The following COL26A1 variants were observed in gnomAD, a reference collection of about 807,000 sequenced individuals.
COL26A1 encodes the protein collagen type XXVI alpha 1 chain, also known as collagen alpha-1(XXVI) chain.
A neutral mutation model predicts 59.3 loss-of-function variants in COL26A1; 41 were observed. That is an observed-to-expected ratio of 0.69 (90% confidence interval 0.54 to 0.90). COL26A1 has a LOEUF of 0.90. COL26A1 is among the 40% of genes least tolerant of loss of function. COL26A1 has a pLI of 0.00. For missense variants in COL26A1, 612 were observed against 602.3 expected, an observed-to-expected ratio of 1.02 and a Z score of -0.17; for synonymous variants, 266 against 256.0, an observed-to-expected ratio of 1.04 and a Z score of -0.37.
chr7:101,528,164 G>A lies in COL26A1; in HGVS notation c.386-4918G>A, dbSNP rs116677240. Among the ~76,000 whole-genome samples, 1,143 of 152,142 alleles carry A rather than the reference G, an allele frequency of 7.5e-3. 11 individuals carry two copies. Among genetic ancestry groups the A allele is most frequent in the African/African-American group, 0.025 (1,050 of 41,520 alleles). The stretch of plus-strand genomic sequence containing the variant: ...AACCCCCATGTCCACCGTTGGCCAA[G>A]CTGCTCCTCACCTGCCAAGCAGGGT... On this transcript the variant is annotated intron_variant, in intron 3 of 12. Coordinates refer to ENST00000313669, the MANE Select transcript of COL26A1 (RefSeq NM_001278563.3).
At chr7:101,406,594 C>T (rs1350022668) in intron 1 of COL26A1, among the ~76,000 whole-genome samples, 3 of 152,208 alleles carry the variant, frequency 2.0e-5, no homozygotes, top group Admixed American at 2.0e-4. Context: ...CCAGCTTCTG[C>T]CTCTCCATCC....
chr7:101,376,513 G>C (rs1272675260), intron 1 of COL26A1, among the ~76,000 whole-genome samples: 1 of 152,156 alleles, frequency 6.6e-6, no homozygotes, highest in African/African-American at 2.4e-5. Flanking sequence ...AAAATGTCCT[G>C]ATAGGTTTCC....
intron 3 of COL26A1, among the ~76,000 whole-genome samples, chr7:101,501,314 C>T (rs1422929969): frequency 6.6e-6 from 1 of 151,824 alleles, no homozygotes; most frequent in East Asian, 1.9e-4. Context: ...GAGTCATTAG[C>T]TAGGAGACAC....
At chr7:101,413,564 A>G (rs1030898494) in intron 1 of COL26A1, among the ~76,000 whole-genome samples, 1 of 152,102 alleles carries the variant, frequency 6.6e-6, no homozygotes, top group African/African-American at 2.4e-5. Flanking sequence ...AAAGAAAAGA[A>G]GAAAGAAAAG....
intron 3 of COL26A1, among the ~76,000 whole-genome samples, chr7:101,461,217 C>T (rs968008986): frequency 2.6e-5 from 4 of 152,078 alleles, no homozygotes; most frequent in African/African-American, 9.7e-5. Flanking sequence ...TCTCGAATTC[C>T]TGGTCTCAAG....
Position 101,420,100 on chromosome 7 carries a change from G to T in COL26A1, c.281+1G>T. ...CGGGGCCCTGCGCCAACCTCGTAAG[G>T]TAAAGGCCGCTGGGCTAGGCTGCTC... On this transcript the variant is annotated splice_donor_variant, in intron 2 of 12. Transcript: ENST00000313669. LOFTEE classifies it high-confidence loss of function. 1 of 1,612,754 alleles carries T rather than the reference G, an allele frequency of 6.2e-7. No homozygotes were observed.
Position 101,451,786 on chromosome 7 carries a change from C to T in COL26A1, c.385+3999C>T, listed in dbSNP as rs906207285. Among the ~76,000 whole-genome samples the T allele has an allele frequency of 4.0e-5, 6 of 150,136 alleles. No homozygotes were observed. In the South Asian group the frequency reaches 6.3e-4, roughly 16 times the overall value. ...GTGGCACAGTCTCCACTCACTGCAA[C>T]ATCAGCCTCCTGGGTTCAAGCGATT... On this transcript the variant is annotated intron_variant, in intron 3 of 12. Transcript: ENST00000313669.
intron 2 of COL26A1, among the ~76,000 whole-genome samples, chr7:101,423,809 G>A (rs1398774623): frequency 6.6e-6 from 1 of 152,064 alleles, no homozygotes; most frequent in African/African-American, 2.4e-5. Flanking sequence ...CTCACTCCTT[G>A]GAGTTCGGAG....
chr7:101,422,051 C>A (rs1255942209), intron 2 of COL26A1, among the ~76,000 whole-genome samples: 1 of 152,110 alleles, frequency 6.6e-6, no homozygotes, highest in Non-Finnish European at 1.5e-5. Flanking sequence ...GTGGCTCACG[C>A]CTGTAATCCC....
intron 3 of COL26A1, among the ~76,000 whole-genome samples, chr7:101,490,983 CAA>C (rs3073351): frequency 5.5e-5 from 6 of 109,040 alleles, no homozygotes; most frequent in Admixed American, 1.0e-4. Flanking sequence ...GGCTCTGTCT[CAA>C]AAAAAAAAAA....
At chr7:101,526,238 G>A (rs1030964144) in intron 3 of COL26A1, among the ~76,000 whole-genome samples, 5 of 151,892 alleles carry the variant, frequency 3.3e-5, no homozygotes. Context: ...TAGTAGAGAC[G>A]GGGTCTCTCC....
At chr7:101,506,527 G>A (rs1382720050) in intron 3 of COL26A1, among the ~76,000 whole-genome samples, 1 of 152,218 alleles carries the variant, frequency 6.6e-6, no homozygotes, top group African/African-American at 2.4e-5. Context: ...GCTGAGAGGG[G>A]CCCCGAGACC....
chr7:101,410,724 G>A (rs937339454), intron 1 of COL26A1, among the ~76,000 whole-genome samples: 3 of 151,928 alleles, frequency 2.0e-5, no homozygotes, highest in African/African-American at 7.3e-5. Context: ...TTGAGACGGA[G>A]TCTTGCTCTG....
At chr7:101,420,704 C>T (rs984752192) in intron 2 of COL26A1, among the ~76,000 whole-genome samples, 2 of 69,958 alleles carry the variant, frequency 2.9e-5, no homozygotes, top group Non-Finnish European at 5.8e-5. Context: ...CAGCCACACC[C>T]CTCACCAGCC....
chr7:101,503,495 G>C (rs150766519), intron 3 of COL26A1, among the ~76,000 whole-genome samples: 12 of 152,138 alleles, frequency 7.9e-5, no homozygotes, highest in Non-Finnish European at 1.2e-4. Context: ...GGATCCTCCA[G>C]CCTCAGCCTC....
intron 1 of COL26A1, among the ~76,000 whole-genome samples, chr7:101,381,512 C>A (rs746777196): frequency 2.5e-4 from 38 of 152,244 alleles, no homozygotes; most frequent in Non-Finnish European, 5.0e-4. Context: ...TTTATTGGCT[C>A]ATGGCTCTGG....
rs779829055 is a variant in COL26A1, at chr7:101,544,034, G to A, written c.641G>A (p.Gly214Asp). The change falls in exon 6 of 13, where the codon GGC becomes GAC. Residue 214 changes from glycine (G) to aspartate (D), a missense_variant. Physicochemically the swap from Gly to Asp is moderately conservative, Grantham distance 94. Coordinates refer to ENST00000313669, the MANE Select transcript of COL26A1 (RefSeq NM_001278563.3). ...PGQTGPPGPA[G>D]PPGSKGDRGQ... ...CAGACAGGACCACCAGGGCCTGCAGGCCCCCCCGGGTCTAAAGGTGACCGA... is the reference window on the plus strand; with the variant it reads ...CAGACAGGACCACCAGGGCCTGCAGACCCCCCCGGGTCTAAAGGTGACCGA... 6.3e-7 allele frequency: 1 copy of A among 1,597,688 alleles called. No homozygotes were observed. Among genetic ancestry groups the A allele is most frequent in the Non-Finnish European group, 8.5e-7 (1 of 1,172,966 alleles).
At chr7:101,496,022 A>G (rs1794578093) in intron 3 of COL26A1, among the ~76,000 whole-genome samples, 1 of 152,060 alleles carries the variant, frequency 6.6e-6, no homozygotes, top group Admixed American at 6.6e-5. Flanking sequence ...TTGAGGCTGC[A>G]GTGAACCATG....
At chr7:101,465,927 G>A (rs1793749144) in intron 3 of COL26A1, among the ~76,000 whole-genome samples, 1 of 152,144 alleles carries the variant, frequency 6.6e-6, no homozygotes, top group Non-Finnish European at 1.5e-5. Flanking sequence ...GCTTGGGCAA[G>A]GGTGCCGTGG....
Sources: allele counts gnomAD v4.1 joint callset (sites outside exome capture counted in the v4.1 genomes callset), GRCh38; gene constraint gnomAD v4.1.1; transcripts MANE v1.5; gene names NCBI Gene and HGNC (gene_info 2026-07-23, HGNC 2026-07-21).